ACTR3C: variants seen among roughly 807,000 people sequenced by gnomAD.
ACTR3C encodes the protein actin related protein 3C.
In ACTR3C, 18 loss-of-function variants were observed where a neutral mutation model predicts 26.3. That is an observed-to-expected ratio of 0.68 (90% confidence interval 0.47 to 1.01). ACTR3C has a LOEUF of 1.01. Ranked by LOEUF, ACTR3C falls within the 50% of genes least tolerant of loss-of-function variation. The pLI, the probability that ACTR3C is intolerant of heterozygous loss-of-function variation, is 0.00. For missense variants in ACTR3C, 184 were observed against 250.7 expected, an observed-to-expected ratio of 0.73 and a Z score of 1.80; for synonymous variants, 55 against 94.5, an observed-to-expected ratio of 0.58 and a Z score of 2.42.
chr7:150,197,143 G>C, the ACTR3C span, among the ~76,000 whole-genome samples: 1 of 152,162 alleles, frequency 6.6e-6, no homozygotes, highest in African/African-American at 2.4e-5. Context: ...TGCAGAGGCT[G>C]GTTCTCCCCT....
the ACTR3C span, among the ~76,000 whole-genome samples, chr7:150,227,172 T>G: frequency 1.5e-4 from 23 of 151,636 alleles, no homozygotes; most frequent in Non-Finnish European, 2.8e-4. Context: ...TTAGTGATTT[T>G]GAAATATGCA....
At chr7:149,994,146 T>C in the ACTR3C span, among the ~76,000 whole-genome samples, 1 of 152,176 alleles carries the variant, frequency 6.6e-6, no homozygotes, top group Non-Finnish European at 1.5e-5. Context: ...AGTGCACAGA[T>C]ATGAGACTTA....
intron 4 of ACTR3C, among the ~76,000 whole-genome samples, chr7:150,288,673 C>G (rs1475067759): frequency 2.7e-5 from 4 of 148,388 alleles, no homozygotes; most frequent in Non-Finnish European, 4.4e-5. Context: ...ATATTTTAGT[C>G]TAAAAAAGAA....
At chr7:149,884,440 A>C in the ACTR3C span, among the ~76,000 whole-genome samples, 1 of 152,256 alleles carries the variant, frequency 6.6e-6, no homozygotes, top group Non-Finnish European at 1.5e-5. Context: ...CAAAGTGCTC[A>C]ACAGTGTGTT....
chr7:149,987,772 T>G, the ACTR3C span, among the ~76,000 whole-genome samples: 9 of 150,202 alleles, frequency 6.0e-5, no homozygotes, highest in Non-Finnish European at 1.0e-4. Context: ...AAAATCTCAG[T>G]GAGCAACGCT....
intron 7 of ACTR3C, 25 bp from the exon 8 acceptor site, chr7:150,247,594 A>C (rs1832535008): frequency 1.5e-5 from 2 of 133,856 alleles, no homozygotes; most frequent in African/African-American, 2.9e-5. Flanking sequence ...CAAAACAGGA[A>C]AGGAAAGAAA....
chr7:150,113,723 A>G, the ACTR3C span, among the ~76,000 whole-genome samples: 2 of 152,222 alleles, frequency 1.3e-5, 1 homozygote, highest in South Asian at 4.1e-4. Flanking sequence ...CCAAATAATA[A>G]ATAACATCTC....
chr7:150,115,254 G>T, the ACTR3C span, among the ~76,000 whole-genome samples: 1 of 152,130 alleles, frequency 6.6e-6, no homozygotes, highest in Non-Finnish European at 1.5e-5. Context: ...TCATTCCTTA[G>T]TCCCATCTAC....
the ACTR3C span, among the ~76,000 whole-genome samples, chr7:150,136,980 G>A: frequency 6.6e-6 from 1 of 152,140 alleles, no homozygotes; most frequent in African/African-American, 2.4e-5. Context: ...TTCTCATAAG[G>A]AACATGCAAC....
chr7:150,244,113 A>C (rs1013209554), downstream of ACTR3C: 1 of 141,882 alleles, frequency 7.0e-6, no homozygotes, highest in Non-Finnish European at 1.5e-5. Context: ...TAGAATATTG[A>C]ATATTCAATA....
chr7:150,045,766 C>T, the ACTR3C span, among the ~76,000 whole-genome samples: 1 of 152,202 alleles, frequency 6.6e-6, no homozygotes, highest in Non-Finnish European at 1.5e-5. Flanking sequence ...AGATGGAGAT[C>T]ATCTGAAATA....
At chr7:150,175,224 T>C in the ACTR3C span, among the ~76,000 whole-genome samples, 1 of 148,722 alleles carries the variant, frequency 6.7e-6, no homozygotes, top group Non-Finnish European at 1.5e-5. Context: ...GACAAGATAA[T>C]AGATTTCTCT....
chr7:149,936,448 C>A, the ACTR3C span, among the ~76,000 whole-genome samples: 1 of 152,194 alleles, frequency 6.6e-6, no homozygotes, highest in East Asian at 1.9e-4. Context: ...CACTTCCTGC[C>A]CATCCTGCTC....
In ACTR3C at chr7:150,286,456, T is replaced by C. The variant is rs766568588; in HGVS notation, c.382A>G (p.Thr128Ala). The C allele has an allele frequency of 1.2e-6, 2 of 1,612,992 alleles. No individual in the cohort carries two copies. Among genetic ancestry groups the C allele is most frequent in the Admixed American group, 1.7e-5 (1 of 59,972 alleles). ...TTCTGGTTGATCGCATTGATACCCGTGTACTGTTTGATCCACTTCTGGGGA... is the reference window on the plus strand; with the variant it reads ...TTCTGGTTGATCGCATTGATACCCGCGTACTGTTTGATCCACTTCTGGGGA... ...VDPQKWIKQY[T>A]GINAINQKKF... The change falls in exon 5 of 8, where the codon ACG becomes GCG. Residue 128 changes from threonine (T) to alanine (A), a missense_variant. Thr to Ala is a moderately conservative substitution (Grantham distance 58). Coordinates refer to ENST00000683684, the MANE Select transcript of ACTR3C (RefSeq NM_001164458.2).
chr7:150,121,304 A>T, the ACTR3C span, among the ~76,000 whole-genome samples: 2 of 152,366 alleles, frequency 1.3e-5, no homozygotes, highest in African/African-American at 4.8e-5. Flanking sequence ...CTGTTTGCAG[A>T]TGACATGACT....
chr7:150,148,207 G>T, the ACTR3C span, among the ~76,000 whole-genome samples: 1 of 151,540 alleles, frequency 6.6e-6, no homozygotes, highest in South Asian at 2.1e-4. Flanking sequence ...GGCCAGGCGC[G>T]GTGGCTCATG....
At chr7:149,923,201 T>C in the ACTR3C span, among the ~76,000 whole-genome samples, 13 of 128,798 alleles carry the variant, frequency 1.0e-4, no homozygotes, top group African/African-American at 2.9e-4. Context: ...TGGCAAAAGA[T>C]TATGTTTAAA....
the ACTR3C span, among the ~76,000 whole-genome samples, chr7:150,036,963 G>C: frequency 2.9e-4 from 21 of 72,296 alleles, no homozygotes; most frequent in South Asian, 8.6e-4. Flanking sequence ...CCAGGGGCTG[G>C]CTCTCAGTCC....
chr7:150,037,317 G>C, the ACTR3C span, among the ~76,000 whole-genome samples: 22 of 46,182 alleles, frequency 4.8e-4, no homozygotes, highest in African/African-American at 9.8e-4. Context: ...GATCAACGAT[G>C]CGGGGTCCTA....
Sources: allele counts gnomAD v4.1 joint callset (sites outside exome capture counted in the v4.1 genomes callset), GRCh38; gene constraint gnomAD v4.1.1; transcripts MANE v1.5; gene names NCBI Gene and HGNC (gene_info 2026-07-23, HGNC 2026-07-21).